EDEM2: variants seen among roughly 807,000 people sequenced by gnomAD.
The protein encoded by EDEM2 is ER degradation-enhancing alpha-mannosidase-like protein 2.
EDEM2 carries 39 observed loss-of-function variants against 64.8 expected under a neutral mutation model. That is an observed-to-expected ratio of 0.60 (90% CI 0.47 to 0.79). The LOEUF is 0.79. Among genes scored for constraint, EDEM2 ranks in the 30% least tolerant of loss-of-function variants. The pLI, the probability that EDEM2 is intolerant of heterozygous loss-of-function variation, is 0.00. For missense variants in EDEM2, 609 were observed against 731.3 expected (o/e 0.83, Z 1.93); for synonymous variants, 296 against 291.5 (o/e 1.02, Z -0.16).
chr20:35,138,006 C>T lies in EDEM2; in HGVS notation c.365-1G>A, dbSNP rs1361017592. 6.2e-7 allele frequency: 1 copy of T among 1,613,836 alleles called. No individual in the cohort carries two copies. The highest frequency in any genetic ancestry group is 1.1e-5 in the South Asian group (1 of 91,044). ...TGAGCAGACAGGAGTCCTCCTACCA[C>T]TACAGATGGCACAGAAAGCAAATGG... is the stretch of plus-strand genomic sequence containing the variant. On this transcript the variant is annotated splice_acceptor_variant, in intron 4 of 10. Transcript: ENST00000374492. LOFTEE classifies it high-confidence loss of function.
chr20:35,142,543 G>C, intron 3 of EDEM2, 65 bp from the exon 4 acceptor site: 1 of 1,268,910 alleles, frequency 7.9e-7, no homozygotes, highest in Non-Finnish European at 1.1e-6. Context: ...TCAGAGTCTG[G>C]GATCCTATGT....
At chr20:35,136,239 T>G (rs1390445488) in intron 5 of EDEM2, among the ~76,000 whole-genome samples, 1 of 152,224 alleles carries the variant, frequency 6.6e-6, no homozygotes, top group African/African-American at 2.4e-5. Flanking sequence ...AAATCCTGTT[T>G]CTTGACCTTT....
chr20:35,141,574 T>C (rs1281126439), intron 4 of EDEM2, among the ~76,000 whole-genome samples: 2 of 152,210 alleles, frequency 1.3e-5, no homozygotes, highest in Non-Finnish European at 2.9e-5. Context: ...ATAAGTTTCA[T>C]TGCAGAAAAC....
In EDEM2 at chr20:35,115,532, C is replaced by T. The variant is rs1345152681; in HGVS notation, c.1638G>A (p.Arg546=). ...SPENHDQARE[R]KPAKQKVPLL... ...GTGGGACCTTCTGTTTGGCAGGCTTCCTCTCCCTTGCCTGGTCATGGTTTT... is the reference window on the plus strand; with the variant it reads ...GTGGGACCTTCTGTTTGGCAGGCTTTCTCTCCCTTGCCTGGTCATGGTTTT... The change falls in exon 11 of 11, where the codon AGG becomes AGA. Residue 546 remains arginine, a synonymous_variant. Coordinates refer to ENST00000374492, the MANE Select transcript of EDEM2 (RefSeq NM_018217.3). The T allele has an allele frequency of 1.9e-6, 3 of 1,614,008 alleles. No individual in the cohort carries two copies. Among genetic ancestry groups the T allele is most frequent in the African/African-American group, 2.7e-5 (2 of 74,918 alleles).
At chr20:35,142,524 G>A in intron 3 of EDEM2, 46 bp from the exon 4 acceptor site, 1 of 1,445,410 alleles carries the variant, frequency 6.9e-7, no homozygotes, top group Non-Finnish European at 9.7e-7. Context: ...TACATGCATG[G>A]AGGCAGATTC....
intron 7 of EDEM2, among the ~76,000 whole-genome samples, chr20:35,129,355 C>T (rs1056360192): frequency 2.0e-5 from 3 of 151,510 alleles, no homozygotes; most frequent in Non-Finnish European, 2.9e-5. Context: ...TGCAGCGAGC[C>T]GATATTGCAC....
At position 35,115,846 on chromosome 20, in the gene EDEM2, C is replaced by A; in HGVS notation, c.1324G>T (p.Asp442Tyr). The A allele has an allele frequency of 6.2e-7, 1 of 1,613,340 alleles. No individual in the cohort carries two copies. The highest frequency in any genetic ancestry group is 2.2e-5 in the East Asian group (1 of 44,834). ...ETVKYLYLLFDPTNFIHNNGS... is the reference protein window; with the variant it reads ...ETVKYLYLLFYPTNFIHNNGS... ...TTGTTGTGGATGAAGTTGGTTGGGT[C>A]AAACAGGAGGTAGAGGTATTTCACA... The change falls in exon 11 of 11, where the codon GAC becomes TAC. Residue 442 changes from aspartate (D) to tyrosine (Y), a missense_variant. Asp to Tyr is a radical substitution (Grantham distance 160). Coordinates refer to ENST00000374492, the MANE Select transcript of EDEM2 (RefSeq NM_018217.3).
At chr20:35,143,289 G>C (rs554282006) in intron 3 of EDEM2, among the ~76,000 whole-genome samples, 11 of 152,266 alleles carry the variant, frequency 7.2e-5, no homozygotes, top group African/African-American at 2.6e-4. Flanking sequence ...TTCTGGGAAG[G>C]CTTCTGTTTT....
At chr20:35,117,968 T>C (rs1312909782) in intron 10 of EDEM2, among the ~76,000 whole-genome samples, 2 of 152,322 alleles carry the variant, frequency 1.3e-5, no homozygotes, top group Admixed American at 1.3e-4. Context: ...AAACCCTACA[T>C]GATCTAGCCC....
intron 8 of EDEM2, among the ~76,000 whole-genome samples, chr20:35,125,396 T>A (rs955136558): frequency 6.6e-6 from 1 of 151,870 alleles, no homozygotes; most frequent in Non-Finnish European, 1.5e-5. Flanking sequence ...TTTATTTTTA[T>A]TTTTTTGAGA....
In EDEM2 at chr20:35,115,939, A is replaced by T. The variant is rs762393255; in HGVS notation, c.1237-6T>A. ...TGGTCTCGCAGATCTTTGATCTGAC[A>T]TGTGGGAGAAGGAAGCAAGCTGGAA... On this transcript the variant is annotated splice_region_variant and splice_polypyrimidine_tract_variant and intron_variant, in intron 10 of 10. Transcript: ENST00000374492. 6.8e-6 allele frequency: 11 copies of T among 1,611,350 alleles called. No homozygotes were observed. Among genetic ancestry groups the T allele is most frequent in the Non-Finnish European group, 8.5e-6 (10 of 1,178,194 alleles).
intron 9 of EDEM2, among the ~76,000 whole-genome samples, chr20:35,119,659 G>A (rs572804420): frequency 4.6e-4 from 70 of 152,184 alleles, no homozygotes; most frequent in African/African-American, 1.1e-3. Flanking sequence ...TAACAAAGAC[G>A]TAGTCATCAG....
chr20:35,115,804 C>T lies in EDEM2; in HGVS notation c.1366G>A (p.Ala456Thr), dbSNP rs3746429. 0.16 allele frequency: 259,078 copies of T among 1,613,624 alleles called. 22,198 individuals are homozygous for T. The highest frequency in any genetic ancestry group is 0.24 in the Middle Eastern group (1,441 of 6,062). ...CACTCCCCATAGGGGGTGATCACCG[C>T]GTCGAAGGTGGACCCATTGTTGTGG... ...FIHNNGSTFD[A>T]VITPYGECIL... is the part of the protein sequence containing the mutation. Residue 456 changes from alanine to threonine, a missense_variant, in exon 11 of 11, where the codon GCG becomes ACG. By Grantham distance (58) the Ala-to-Thr change is moderately conservative. Transcript: ENST00000374492.
intron 9 of EDEM2, 106 bp downstream of exon 9, chr20:35,123,784 G>T (rs2085396848): frequency 3.6e-6 from 5 of 1,397,084 alleles, no homozygotes; most frequent in African/African-American, 1.4e-5. Flanking sequence ...CAGATGGAAA[G>T]AAATGAACTT....
intron 10 of EDEM2, 145 bp downstream of exon 10, chr20:35,118,453 C>T: frequency 8.0e-7 from 1 of 1,242,442 alleles, no homozygotes; most frequent in Non-Finnish European, 1.1e-6. Context: ...TTGGTCTCCC[C>T]ATCTGTAAAA....
At chr20:35,146,766 G>T in intron 2 of EDEM2, 59 bp downstream of exon 2, 1 of 1,571,686 alleles carries the variant, frequency 6.4e-7, no homozygotes, top group Non-Finnish European at 8.6e-7. Context: ...CAGCTGACCC[G>T]CCCGCCGAGG....
rs2085740020 is a variant in EDEM2, at chr20:35,146,846, T to C, written c.197A>G (p.Asp66Gly). 1 of 1,614,062 alleles carries C rather than the reference T, an allele frequency of 6.2e-7. No homozygotes were observed. Among genetic ancestry groups the C allele is most frequent in the Non-Finnish European group, 8.5e-7 (1 of 1,180,004 alleles). The change falls in exon 2 of 11, where the codon GAC (aspartate) becomes GGC (glycine). Residue 66 changes from aspartate (D) to glycine (G), a missense_variant. Asp to Gly is a moderately conservative substitution (Grantham distance 94, BLOSUM62 -1). Coordinates refer to ENST00000374492, the MANE Select transcript of EDEM2 (RefSeq NM_018217.3). ...CTACCTGCCCCAGGTGTCGTGCCCG[T>C]CACAGGTGAGAGGTCGCAGCTCATC... The part of the protein sequence containing the change: ...PFDELRPLTC[D>G]GHDTWGSFSL...
In EDEM2 at chr20:35,115,763, C is replaced by T. The variant is rs1178256627; in HGVS notation, c.1407G>A (p.Gly469=). 2.5e-6 allele frequency: 4 copies of T among 1,614,078 alleles called. No homozygotes were observed. Among genetic ancestry groups the T allele is most frequent in the Non-Finnish European group, 2.5e-6 (3 of 1,180,042 alleles). Reference sequence around the variant, plus strand: ...GAGCTTCTGTGTTGAAGATGTACCCCCCAGCCCCCAGGATGCACTCCCCAT... The same window carrying T: ...GAGCTTCTGTGTTGAAGATGTACCCTCCAGCCCCCAGGATGCACTCCCCAT... ...TPYGECILGA[G]GYIFNTEAHP... is the part of the protein sequence containing the mutation. Residue 469 remains glycine, a synonymous_variant, in exon 11 of 11, where the codon GGG becomes GGA. Coordinates refer to ENST00000374492, the MANE Select transcript of EDEM2 (RefSeq NM_018217.3).
chr20:35,125,967 G>T (rs987076406), intron 8 of EDEM2, among the ~76,000 whole-genome samples: 2 of 152,152 alleles, frequency 1.3e-5, no homozygotes, highest in South Asian at 4.1e-4. Context: ...GCCCAGTGGA[G>T]AAACACCTGT....
Sources: allele counts gnomAD v4.1 joint callset (sites outside exome capture counted in the v4.1 genomes callset), GRCh38; gene constraint gnomAD v4.1.1; transcripts MANE v1.5; gene names NCBI Gene and HGNC (gene_info 2026-07-23, HGNC 2026-07-21).